Variants in ARHGAP10 observed in about 807,000 individuals in gnomAD.
ARHGAP10 encodes rho GTPase-activating protein 10.
Under a neutral mutation model 108.6 loss-of-function variants are expected in ARHGAP10, and 87 were observed. The observed-to-expected ratio is 0.80, with a 90% confidence interval of 0.67 to 0.96. The LOEUF (loss-of-function observed/expected upper bound fraction) is 0.96, where lower values mean the gene tolerates loss of function less well. ARHGAP10 is among the 40% of genes least tolerant of loss of function. The probability of loss-of-function intolerance (pLI) is 0.00; values close to 1 mark genes in which losing one functional copy is unlikely to be tolerated. For synonymous variants in ARHGAP10, 347 were observed against 341.1 expected, an observed-to-expected ratio of 1.02 and a Z score of -0.19; for missense variants, 939 against 954.5, an observed-to-expected ratio of 0.98 and a Z score of 0.21.
chr4:147,988,577 T>C (rs1740130678), intron 18 of ARHGAP10, among the ~76,000 whole-genome samples: 1 of 152,164 alleles, frequency 6.6e-6, no homozygotes. Context: ...AATTGAATGT[T>C]TATATATACA....
intron 1 of ARHGAP10, among the ~76,000 whole-genome samples, chr4:147,778,666 A>G (rs986863508): frequency 2.0e-5 from 3 of 152,150 alleles, no homozygotes; most frequent in African/African-American, 7.2e-5. Flanking sequence ...CTGCCTGGGT[A>G]TAGCCTTAGA....
rs141641771 is a variant in ARHGAP10, at chr4:147,929,959, A to G, written c.1229-9866A>G. Among the ~76,000 whole-genome samples the G allele has an allele frequency of 3.8e-3, 581 of 152,366 alleles. 2 individuals carry two copies. The highest frequency in any genetic ancestry group is 0.017 in the Middle Eastern group (5 of 294). ...TTTGTGCATACACATGTGTGTATAT[A>G]TATGCACATGTGCCTCATTAATGAT... On this transcript the variant is annotated intron_variant, in intron 13 of 22. Coordinates refer to ENST00000336498, the MANE Select transcript of ARHGAP10 (RefSeq NM_024605.4).
At chr4:147,932,362 A>G (rs1394996263) in intron 13 of ARHGAP10, among the ~76,000 whole-genome samples, 3 of 152,154 alleles carry the variant, frequency 2.0e-5, no homozygotes, top group Non-Finnish European at 1.5e-5. Flanking sequence ...TATGTTCACT[A>G]CATTACTTTT....
intron 1 of ARHGAP10, among the ~76,000 whole-genome samples, chr4:147,797,400 G>A (rs143582736): frequency 2.6e-5 from 4 of 151,778 alleles, no homozygotes; most frequent in African/African-American, 7.3e-5. Context: ...ATGGTCCAAC[G>A]TACCCTCCCC....
chr4:148,022,365 AC>A (rs1741601291), intron 18 of ARHGAP10, among the ~76,000 whole-genome samples: 1 of 152,154 alleles, frequency 6.6e-6, no homozygotes, highest in Non-Finnish European at 1.5e-5. Context: ...TTCTGCTTCC[AC>A]CTGAGGAACG....
chr4:148,046,940 A>G lies in ARHGAP10; in HGVS notation c.1916A>G (p.Asp639Gly). The change falls in exon 20 of 23, where the codon GAC (aspartate) becomes GGC (glycine). Residue 639 changes from aspartate to glycine, a missense_variant. By Grantham distance (94) the Asp-to-Gly change is moderately conservative. Transcript: ENST00000336498. ...GAGGACACCCCTACCAGCAGTCTGG[A>G]CTCACTTTCCTCCCCGTCTCCCGTG... ...SKEDTPTSSL[D>G]SLSSPSPVTT... is the part of the protein sequence containing the mutation. The G allele has an allele frequency of 6.2e-7, 1 of 1,613,992 alleles. No homozygotes were observed. The highest frequency in any genetic ancestry group is 8.5e-7 in the Non-Finnish European group (1 of 1,179,990).
At position 147,823,607 on chromosome 4, in the gene ARHGAP10, A is replaced by G. The variant is rs530394413; in HGVS notation, c.312+650A>G. On this transcript the variant is annotated intron_variant, in intron 3 of 22. Transcript: ENST00000336498. ...ACCGCATCTCTACAAAAATACAAAA[A>G]CTAGCCAGGCATGGTGGCATGTGCC... Among the ~76,000 whole-genome samples the G allele has an allele frequency of 4.0e-5, 6 of 151,742 alleles. No homozygotes were observed. In the South Asian group the frequency reaches 1.3e-3, roughly 32 times the overall value.
chr4:147,924,601 G>C (rs1737382863), intron 13 of ARHGAP10, among the ~76,000 whole-genome samples: 1 of 152,204 alleles, frequency 6.6e-6, no homozygotes, highest in Non-Finnish European at 1.5e-5. Flanking sequence ...TCTTGCTACA[G>C]AGTAGGCATG....
chr4:148,048,390 A>G (rs954379742), intron 20 of ARHGAP10, among the ~76,000 whole-genome samples: 1 of 152,230 alleles, frequency 6.6e-6, no homozygotes, highest in African/African-American at 2.4e-5. Flanking sequence ...GACTCCAAGT[A>G]TGGAAACACA....
intron 1 of ARHGAP10, among the ~76,000 whole-genome samples, chr4:147,816,254 G>A (rs1048702722): frequency 6.6e-6 from 1 of 152,116 alleles, no homozygotes; most frequent in Non-Finnish European, 1.5e-5. Context: ...AGCTGCCTGT[G>A]GGATTCTCTC....
At chr4:147,971,500 G>T (rs1401155458) in intron 18 of ARHGAP10, among the ~76,000 whole-genome samples, 3 of 152,206 alleles carry the variant, frequency 2.0e-5, no homozygotes, top group Non-Finnish European at 4.4e-5. Context: ...ATGTTCAGCT[G>T]CAGGGAATCT....
rs371723246 is a variant in ARHGAP10, at chr4:147,790,786, A to G, written c.155-31941A>G. On this transcript the variant is annotated intron_variant, in intron 1 of 22. Coordinates refer to ENST00000336498, the MANE Select transcript of ARHGAP10 (RefSeq NM_024605.4). ...TTTCCTTTTGGATGAAATATTGTAA[A>G]CATAGTACATAGAGAATACTATACT... is the stretch of plus-strand genomic sequence containing the variant. Among the ~76,000 whole-genome samples, 41 of 152,334 alleles carry G rather than the reference A, an allele frequency of 2.7e-4. No individual in the cohort carries two copies. The East Asian group carries it at 6.5e-3, about 24-fold the overall frequency.
intron 1 of ARHGAP10, among the ~76,000 whole-genome samples, chr4:147,760,702 T>C (rs998358455): frequency 2.0e-4 from 30 of 152,230 alleles, no homozygotes; most frequent in African/African-American, 7.0e-4. Context: ...CATTGCCCTT[T>C]ATTCCCTACC....
intron 18 of ARHGAP10, among the ~76,000 whole-genome samples, chr4:147,991,547 C>T (rs1740278615): frequency 6.6e-6 from 1 of 152,240 alleles, no homozygotes; most frequent in Non-Finnish European, 1.5e-5. Context: ...GAGATAGTCA[C>T]ATGCGCATCC....
At chr4:148,009,257 A>G (rs781644075) in intron 18 of ARHGAP10, among the ~76,000 whole-genome samples, 8 of 151,540 alleles carry the variant, frequency 5.3e-5, no homozygotes, top group Non-Finnish European at 8.8e-5. Context: ...TCAGCCTCCC[A>G]TGTAGCTGGG....
Position 148,056,527 on chromosome 4 carries a change from C to A in ARHGAP10, c.2028-6621C>A, listed in dbSNP as rs577812616. Reference sequence around the variant, plus strand: ...AAGATACTACAGAGCTTCCGTAGACCCTTCACTTCCCCTCTTCACTTCCCG... The same window carrying A: ...AAGATACTACAGAGCTTCCGTAGACACTTCACTTCCCCTCTTCACTTCCCG... On this transcript the variant is annotated intron_variant, in intron 20 of 22. Transcript: ENST00000336498. Among the ~76,000 whole-genome samples the A allele has an allele frequency of 5.2e-4, 78 of 151,336 alleles. 1 individual carries two copies. The highest frequency in any genetic ancestry group is 3.1e-3 in the South Asian group (15 of 4,764).
chr4:147,966,319 G>A (rs1051310377), intron 17 of ARHGAP10, among the ~76,000 whole-genome samples: 2 of 152,200 alleles, frequency 1.3e-5, no homozygotes, highest in Non-Finnish European at 2.9e-5. Flanking sequence ...GGACATGAGG[G>A]TTGACTTTTC....
intron 18 of ARHGAP10, among the ~76,000 whole-genome samples, chr4:148,020,285 T>A (rs1345497853): frequency 6.6e-6 from 1 of 152,194 alleles, no homozygotes; most frequent in African/African-American, 2.4e-5. Flanking sequence ...ATAATTTTTC[T>A]GGTGTTTTTT....
At chr4:147,960,860 C>T (rs542857912) in intron 16 of ARHGAP10, among the ~76,000 whole-genome samples, 1 of 152,266 alleles carries the variant, frequency 6.6e-6, no homozygotes, top group South Asian at 2.1e-4. Flanking sequence ...TTCTTTTGCT[C>T]ATTTTGTGAG....
Sources: allele counts gnomAD v4.1 joint callset (sites outside exome capture counted in the v4.1 genomes callset), GRCh38; gene constraint gnomAD v4.1.1; transcripts MANE v1.5; gene names NCBI Gene and HGNC (gene_info 2026-07-23, HGNC 2026-07-21).